Variants in CTIF observed in about 807,000 individuals in gnomAD.
CTIF encodes CBP80/20-dependent translation initiation factor.
In CTIF, 21 loss-of-function variants were observed where a neutral mutation model predicts 66.0. The observed-to-expected ratio is 0.32, with a 90% CI of 0.23 to 0.46. The LOEUF (loss-of-function observed/expected upper bound fraction) is 0.46. CTIF is among the 20% of genes least tolerant of loss of function. The probability of loss-of-function intolerance (pLI) is 1.00; values close to 1 mark genes in which losing one functional copy is unlikely to be tolerated. For synonymous variants in CTIF, 345 were observed against 326.4 expected, an observed-to-expected ratio of 1.06 and a Z score of -0.62; for missense variants, 739 against 812.7, an observed-to-expected ratio of 0.91 and a Z score of 1.10.
In CTIF at chr18:48,670,726, G is replaced by T; in HGVS notation, c.489G>T (p.Lys163Asn). The stretch of plus-strand genomic sequence containing the variant: ...GCATCAACCTGAATGACATCGAGAA[G>T]GTCCTTCCAGCCTGGCAGGTAGGTG... ...GDGINLNDIE[K>N]VLPAWQGYHP... The change falls in exon 6 of 12, where the codon AAG becomes AAT. Residue 163 changes from lysine (K) to asparagine (N), a missense_variant. Lys to Asn is a moderately conservative substitution (Grantham distance 94). Transcript: ENST00000256413. 6.2e-7 allele frequency: 1 copy of T among 1,614,138 alleles called. No individual in the cohort carries two copies. Among genetic ancestry groups the T allele is most frequent in the Non-Finnish European group, 8.5e-7 (1 of 1,179,976 alleles).
chr18:48,740,239 G>A (rs1598958316), intron 7 of CTIF, among the ~76,000 whole-genome samples: 1 of 152,146 alleles, frequency 6.6e-6, no homozygotes, highest in Non-Finnish European at 1.5e-5. Flanking sequence ...GGCAGCCTGT[G>A]ACCCAGCCGT....
chr18:48,675,870 C>T (rs889446613), intron 6 of CTIF, among the ~76,000 whole-genome samples: 1 of 152,206 alleles, frequency 6.6e-6, no homozygotes, highest in Non-Finnish European at 1.5e-5. Context: ...GCCGCATAAT[C>T]TGTAATCCAT....
chr18:48,646,596 C>T (rs968694338), intron 3 of CTIF, among the ~76,000 whole-genome samples: 3 of 151,670 alleles, frequency 2.0e-5, no homozygotes, highest in Non-Finnish European at 4.4e-5. Flanking sequence ...AAAATACAAG[C>T]ATTAGCTGGG....
At chr18:48,611,900 C>A (rs763380901) in intron 1 of CTIF, among the ~76,000 whole-genome samples, 16 of 152,196 alleles carry the variant, frequency 1.1e-4, no homozygotes, top group Non-Finnish European at 1.3e-4. Context: ...CACCACCATG[C>A]TAGCTAACAC....
chr18:48,805,198 A>G (rs1291022530), intron 9 of CTIF, among the ~76,000 whole-genome samples: 1 of 152,060 alleles, frequency 6.6e-6, no homozygotes, highest in Non-Finnish European at 1.5e-5. Context: ...CCTCTGCTTC[A>G]CTGTTGATAG....
chr18:48,790,777 G>A (rs1367787536), intron 9 of CTIF, among the ~76,000 whole-genome samples: 2 of 152,186 alleles, frequency 1.3e-5, no homozygotes, highest in Admixed American at 6.5e-5. Flanking sequence ...AGCCACGGGC[G>A]CCTGCAGTCG....
rs376853470 is a variant in CTIF at position 48,761,674 on chromosome 18, C to T, written c.1356C>T (p.Leu452=). ...AGGGGACCAAGTTCCGGAGCCTGCT[C>T]CTCAACATGCTGCAGGTAACTGGAC... is the stretch of plus-strand genomic sequence containing the variant. ...MVEGTKFRSL[L]LNMLQKDFTV... The change falls in exon 9 of 12, where the codon CTC becomes CTT. Residue 452 remains leucine (L), a synonymous_variant. Transcript: ENST00000256413. The surrounding 1 kb of genome is among the most constrained non-coding windows in gnomAD (Gnocchi z 4.2). The T allele has an allele frequency of 6.8e-6, 11 of 1,608,716 alleles. No homozygotes were observed. The highest frequency in any genetic ancestry group is 5.0e-5 in the Admixed American group (3 of 59,932).
chr18:48,845,782 G>A (rs1001254432), intron 10 of CTIF, among the ~76,000 whole-genome samples: 1 of 152,136 alleles, frequency 6.6e-6, no homozygotes, highest in African/African-American at 2.4e-5. Context: ...TATTGTTGAT[G>A]GCATCATCAC....
chr18:48,756,322 T>TG (rs1311308072), intron 7 of CTIF: 10 of 151,814 alleles, frequency 6.6e-5, no homozygotes, highest in Non-Finnish European at 1.3e-4. Context: ...GGCTTTTCAG[T>TG]GAAAAAAAAA....
At chr18:48,740,248 G>A (rs1462257937) in intron 7 of CTIF, among the ~76,000 whole-genome samples, 5 of 152,122 alleles carry the variant, frequency 3.3e-5, no homozygotes, top group Admixed American at 6.5e-5. Context: ...TGACCCAGCC[G>A]TAGCCCTGCC....
At chr18:48,845,814 A>C (rs866056496) in intron 10 of CTIF, among the ~76,000 whole-genome samples, 2 of 152,072 alleles carry the variant, frequency 1.3e-5, no homozygotes, top group Admixed American at 6.5e-5. Context: ...ACCAAACCCC[A>C]AACCTGGGGG....
At chr18:48,549,943 A>G (rs1160574265) in intron 1 of CTIF, among the ~76,000 whole-genome samples, 2 of 149,522 alleles carry the variant, frequency 1.3e-5, no homozygotes, top group Non-Finnish European at 3.0e-5. Flanking sequence ...AATTAGCTTT[A>G]CTTTTTTTTA....
chr18:48,611,075 G>A (rs76050916), intron 1 of CTIF, among the ~76,000 whole-genome samples: 8,199 of 152,206 alleles, frequency 0.054, 328 homozygotes, highest in African/African-American at 0.11. Flanking sequence ...ATCCTGCATT[G>A]CAGCCTGGCT....
At chr18:48,607,316 C>A (rs939996391) in intron 1 of CTIF, among the ~76,000 whole-genome samples, 1 of 152,194 alleles carries the variant, frequency 6.6e-6, no homozygotes, top group African/African-American at 2.4e-5. Context: ...TCTGAGATTC[C>A]TGTGGTTGCT....
chr18:48,761,811 C>G lies in CTIF; in HGVS notation c.1371+122C>G. 3 of 977,782 alleles carry G rather than the reference C, an allele frequency of 3.1e-6. No individual in the cohort carries two copies. Among genetic ancestry groups the G allele is most frequent in the Non-Finnish European group, 4.4e-6 (3 of 674,604 alleles). The allele number at this position is 977,782 out of a possible 1,614,324, so 60.6% of individuals were successfully genotyped here. Reference sequence around the variant, plus strand: ...GGACTTTTCCCAAGTTCCGCCCTTGCCCGATTAATTATAGAAAACACAAAG... The same window carrying G: ...GGACTTTTCCCAAGTTCCGCCCTTGGCCGATTAATTATAGAAAACACAAAG... On this transcript the variant is annotated intron_variant, in intron 9 of 11. Transcript: ENST00000256413. This position sits in a 1 kb window ranked among gnomAD's most constrained non-coding sequence, Gnocchi z 4.2.
At chr18:48,693,103 G>A (rs544215173) in intron 6 of CTIF, among the ~76,000 whole-genome samples, 1 of 152,206 alleles carries the variant, frequency 6.6e-6, no homozygotes, top group South Asian at 2.1e-4. Flanking sequence ...GAGCATATAT[G>A]TGTTGCCACA....
At chr18:48,819,702 TGAA>T (rs956030422) in intron 10 of CTIF, among the ~76,000 whole-genome samples, 1 of 152,176 alleles carries the variant, frequency 6.6e-6, no homozygotes, top group African/African-American at 2.4e-5. Flanking sequence ...ATGGTAAACT[TGAA>T]GAATAAATAA....
At chr18:48,547,789 A>C (rs1316681335) in intron 1 of CTIF, among the ~76,000 whole-genome samples, 1 of 152,118 alleles carries the variant, frequency 6.6e-6, no homozygotes, top group Non-Finnish European at 1.5e-5. Context: ...GCAGCTTTTG[A>C]AGATAGATGT....
At chr18:48,832,164 G>A (rs1002442489) in intron 10 of CTIF, among the ~76,000 whole-genome samples, 3 of 116,000 alleles carry the variant, frequency 2.6e-5, no homozygotes, top group Non-Finnish European at 5.5e-5. Context: ...TCTGGAAAAC[G>A]TGGTCCTTCT....
Sources: allele counts gnomAD v4.1 joint callset (sites outside exome capture counted in the v4.1 genomes callset), GRCh38; gene constraint gnomAD v4.1.1; non-coding constraint Gnocchi (gnomAD v3.1); transcripts MANE v1.5; gene names NCBI Gene and HGNC (gene_info 2026-07-23, HGNC 2026-07-21).